The following RAPGEF5 variants were observed in gnomAD, a reference collection of about 807,000 sequenced individuals.
RAPGEF5 encodes the protein M-Ras-regulated GEF.
RAPGEF5 carries 65 observed loss-of-function variants against 125.2 expected under a neutral mutation model. The ratio of observed to expected loss-of-function variants is 0.52; its 90% CI spans 0.43 to 0.64. The LOEUF (loss-of-function observed/expected upper bound fraction) is 0.64. Among genes scored for constraint, RAPGEF5 ranks in the 30% least tolerant of loss-of-function variants. The pLI, the probability that RAPGEF5 is intolerant of heterozygous loss-of-function variation, is 0.00. For synonymous variants in RAPGEF5, 391 were observed against 385.9 expected, an observed-to-expected ratio of 1.01 and a Z score of -0.16; for missense variants, 958 against 1,048.1, an observed-to-expected ratio of 0.91 and a Z score of 1.19.
intron 7 of RAPGEF5, among the ~76,000 whole-genome samples, chr7:22,265,653 A>G (rs570064343): frequency 1.4e-5 from 2 of 148,070 alleles, no homozygotes; most frequent in Admixed American, 1.4e-4. Flanking sequence ...GAACCTCCAT[A>G]CTGTTTCCCA....
intron 18 of RAPGEF5, 79 bp from the exon 19 acceptor site, chr7:22,147,098 A>G: frequency 6.6e-7 from 1 of 1,521,440 alleles, no homozygotes; most frequent in East Asian, 2.3e-5. Context: ...GAAAGGCACT[A>G]GAAGCTCAGA....
At chr7:22,322,608 C>T (rs990314294) in intron 1 of RAPGEF5, among the ~76,000 whole-genome samples, 1 of 152,142 alleles carries the variant, frequency 6.6e-6, no homozygotes, top group African/African-American at 2.4e-5. Flanking sequence ...ATACATGTCT[C>T]TTAATATAGA....
rs71864981 is a variant in RAPGEF5, at chr7:22,145,967, CGTGTGTGT to C, written c.2008-753_2008-746del. On this transcript the variant is annotated intron_variant, in intron 19 of 25. Coordinates refer to ENST00000665637, the MANE Select transcript of RAPGEF5 (RefSeq NM_012294.5). ...ATTTGTTTTTAAATGTGTTTGTGTGCGTGTGTGTGTGTGTGTGTGTGTGTGTGTGTGTT... is the reference window on the plus strand; with the variant it reads ...ATTTGTTTTTAAATGTGTTTGTGTGCGTGTGTGTGTGTGTGTGTGTGTGTT... Among the ~76,000 whole-genome samples the C allele has an allele frequency of 2.0e-3, 282 of 143,970 alleles. 2 individuals carry two copies. Among genetic ancestry groups the C allele is most frequent in the African/African-American group, 5.8e-3 (227 of 39,430 alleles). 94.4% of individuals were successfully genotyped at this position (143,970 alleles called of 152,430 possible). A position where few individuals can be genotyped will look rare whatever the true frequency, so the allele number is the denominator to read the frequency against.
chr7:22,126,929 A>G (rs1782765613), intron 24 of RAPGEF5, among the ~76,000 whole-genome samples: 1 of 152,076 alleles, frequency 6.6e-6, no homozygotes, highest in South Asian at 2.1e-4. Context: ...GGCCAACATC[A>G]ACATCTTTAG....
At chr7:22,128,860 A>G (rs574952055) in intron 24 of RAPGEF5, among the ~76,000 whole-genome samples, 21 of 152,316 alleles carry the variant, frequency 1.4e-4, no homozygotes, top group Middle Eastern at 6.8e-3. Flanking sequence ...ATTCTTTTAT[A>G]AAATATAATT....
At chr7:22,242,947 C>CAAAAAAAAAAAAA (rs537954162) in intron 7 of RAPGEF5, among the ~76,000 whole-genome samples, 2 of 65,738 alleles carry the variant, frequency 3.0e-5, no homozygotes, top group Non-Finnish European at 6.8e-5. Context: ...AACTCCGTCT[C>CAAAAAAAAAAAAA]AAAAAAAAAA....
At chr7:22,192,583 G>A (rs1390752386) in intron 11 of RAPGEF5, 1 of 152,216 alleles carries the variant, frequency 6.6e-6, no homozygotes, top group African/African-American at 2.4e-5. Flanking sequence ...GCAGGCTACA[G>A]TCAGAGGCCT....
intron 11 of RAPGEF5, among the ~76,000 whole-genome samples, chr7:22,171,024 G>GT (rs574602699): frequency 0.018 from 2,636 of 143,736 alleles, 25 homozygotes; most frequent in African/African-American, 0.018. Context: ...CAGCATTCAT[G>GT]TTTTTTTTTT....
chr7:22,236,283 T>A (rs1167811108), intron 7 of RAPGEF5, among the ~76,000 whole-genome samples: 1 of 152,202 alleles, frequency 6.6e-6, no homozygotes, highest in East Asian at 1.9e-4. Context: ...ATACAGTTTA[T>A]TCTCAAATCT....
rs375577895 is a variant in RAPGEF5, at chr7:22,238,126, G to A, written c.797-7207C>T. On this transcript the variant is annotated intron_variant, in intron 7 of 25. Coordinates refer to ENST00000665637, the MANE Select transcript of RAPGEF5 (RefSeq NM_012294.5). Reference sequence around the variant, plus strand: ...CTCTGGTAGAGGTCCTGGCAAGACTGCACTGAGCCGTGTGGCCATTGAGGG... The same window carrying A: ...CTCTGGTAGAGGTCCTGGCAAGACTACACTGAGCCGTGTGGCCATTGAGGG... Among the ~76,000 whole-genome samples, 3 of 152,296 alleles carry A rather than the reference G, an allele frequency of 2.0e-5. No homozygotes were observed. The East Asian group carries it at 5.8e-4, about 29-fold the overall frequency.
intron 1 of RAPGEF5, among the ~76,000 whole-genome samples, chr7:22,333,866 T>C (rs944398099): frequency 6.0e-5 from 9 of 149,388 alleles, no homozygotes; most frequent in African/African-American, 2.2e-4. Flanking sequence ...GAGCTGTCTG[T>C]CTTGCAGATG....
rs555459582 is a variant in RAPGEF5, at chr7:22,176,339, T to C, written c.1205-9191A>G. Among the ~76,000 whole-genome samples, 4 of 152,234 alleles carry C rather than the reference T, an allele frequency of 2.6e-5. 1 individual carries two copies. The highest frequency in any genetic ancestry group is 7.2e-5 in the African/African-American group (3 of 41,544). ...TGAGGACACAGCCAAACCATATCAG[T>C]TGGTTAACAGAAATTCTAGGAATTC... On this transcript the variant is annotated intron_variant, in intron 11 of 25. Coordinates refer to ENST00000665637, the MANE Select transcript of RAPGEF5 (RefSeq NM_012294.5).
intron 7 of RAPGEF5, among the ~76,000 whole-genome samples, chr7:22,249,663 A>C (rs1786568762): frequency 6.6e-6 from 1 of 152,210 alleles, no homozygotes; most frequent in African/African-American, 2.4e-5. Context: ...AAGTTAGGCA[A>C]TTCTCCAATA....
intron 25 of RAPGEF5, among the ~76,000 whole-genome samples, chr7:22,122,960 C>A (rs1782627461): frequency 6.6e-6 from 1 of 152,082 alleles, no homozygotes; most frequent in Non-Finnish European, 1.5e-5. Flanking sequence ...TTGAAAATCG[C>A]TGATAATGTA....
At chr7:22,348,046 T>C (rs1017709245) in intron 1 of RAPGEF5, among the ~76,000 whole-genome samples, 7 of 152,164 alleles carry the variant, frequency 4.6e-5, no homozygotes, top group Non-Finnish European at 7.3e-5. Flanking sequence ...GGTAAAATAA[T>C]TGTAAAACCA....
intron 8 of RAPGEF5, 185 bp from the exon 9 acceptor site, chr7:22,220,176 A>C (rs931251192): frequency 1.4e-6 from 1 of 690,592 alleles, no homozygotes; most frequent in African/African-American, 1.8e-5. Flanking sequence ...GCACCATGCC[A>C]AAAGACTTAA....
chr7:22,167,551 A>C (rs1244684349), intron 11 of RAPGEF5, among the ~76,000 whole-genome samples: 1 of 152,202 alleles, frequency 6.6e-6, no homozygotes, highest in Non-Finnish European at 1.5e-5. Context: ...TCATGTGTTA[A>C]TAAATTAAGG....
rs1784436118 is a variant in RAPGEF5, at chr7:22,357,050, G to A, written c.11C>T (p.Ala4Val). The A allele has an allele frequency of 1.9e-6, 2 of 1,039,296 alleles. No homozygotes were observed. Among genetic ancestry groups the A allele is most frequent in the Non-Finnish European group, 2.3e-6 (2 of 866,404 alleles). The allele number at this position is 1,039,296 out of a possible 1,614,324, so 64.4% of individuals were successfully genotyped here. MRM[A>V]VGSVKMQPPC... ...CGGCTGCATCTTGACGGAGCCCACGGCCATCCTCATGCCCTGACGGCGCTG... is the reference window on the plus strand; with the variant it reads ...CGGCTGCATCTTGACGGAGCCCACGACCATCCTCATGCCCTGACGGCGCTG... Residue 4 changes from alanine to valine, a missense_variant, in exon 1 of 26, where the codon GCC becomes GTC. Transcript: ENST00000665637.
At position 22,190,438 on chromosome 7, in the gene RAPGEF5, C is replaced by A. The variant is rs377393037; in HGVS notation, c.1204+2929G>T. Among the ~76,000 whole-genome samples the A allele has an allele frequency of 6.6e-5, 10 of 152,288 alleles. No homozygotes were observed. The East Asian group carries it at 1.2e-3, about 18-fold the overall frequency. The stretch of plus-strand genomic sequence containing the variant: ...TGCGAGTCAACTCATTTAAGAAAAT[C>A]ATTAGTAGGTTGCTTTTAAGCATCT... On this transcript the variant is annotated intron_variant, in intron 11 of 25. Coordinates refer to ENST00000665637, the MANE Select transcript of RAPGEF5 (RefSeq NM_012294.5).
Sources: allele counts gnomAD v4.1 joint callset (sites outside exome capture counted in the v4.1 genomes callset), GRCh38; gene constraint gnomAD v4.1.1; transcripts MANE v1.5; gene names NCBI Gene and HGNC (gene_info 2026-07-23, HGNC 2026-07-21).